ST6GALNAC3: variants seen among roughly 807,000 people sequenced by gnomAD.
ST6GALNAC3 encodes the protein ST6 N-acetylgalactosaminide alpha-2,6-sialyltransferase 3, also known as alpha-N-acetylgalactosaminide alpha-2,6-sialyltransferase 3.
ST6GALNAC3 carries 25 observed loss-of-function variants against 32.7 expected under a neutral mutation model. The observed-to-expected ratio is 0.76, with a 90% CI of 0.56 to 1.07. The LOEUF (loss-of-function observed/expected upper bound fraction) is 1.07. ST6GALNAC3 is among the 50% of genes least tolerant of loss of function. ST6GALNAC3 has a pLI of 0.00. For synonymous variants in ST6GALNAC3, 129 were observed against 133.1 expected (o/e 0.97, Z 0.21); for missense variants, 355 against 382.4 (o/e 0.93, Z 0.60).
chr1:76,358,209 G>A (rs565900239), intron 2 of ST6GALNAC3, among the ~76,000 whole-genome samples: 1 of 151,996 alleles, frequency 6.6e-6, no homozygotes, highest in South Asian at 2.1e-4. Flanking sequence ...CTGATTAATC[G>A]ATGCTTGTGG....
At chr1:76,195,872 T>C (rs17098319) in intron 1 of ST6GALNAC3, among the ~76,000 whole-genome samples, 12,766 of 152,062 alleles carry the variant, frequency 0.084, 589 homozygotes, top group African/African-American at 0.12. Flanking sequence ...AATTAGGGAA[T>C]TTGAAGGAGT....
At chr1:76,512,152 T>G (rs1002448) in intron 3 of ST6GALNAC3, among the ~76,000 whole-genome samples, 16,367 of 152,238 alleles carry the variant, frequency 0.11, 1,104 homozygotes, top group South Asian at 0.26. Context: ...TTGTTTTAAA[T>G]AGAAAAATGT....
At chr1:76,338,461 A>G (rs1238427088) in intron 2 of ST6GALNAC3, among the ~76,000 whole-genome samples, 1 of 152,162 alleles carries the variant, frequency 6.6e-6, no homozygotes, top group Non-Finnish European at 1.5e-5. Context: ...TGGACACTTG[A>G]TCCTCCAGAA....
At position 76,115,287 on chromosome 1, in the gene ST6GALNAC3, T is replaced by G. The variant is rs113276927; in HGVS notation, c.18+40403T>G. 4.2e-4 allele frequency among the ~76,000 whole-genome samples: 64 copies of G among 152,346 alleles called. 5 individuals are homozygous for G. The highest frequency in any genetic ancestry group is 1.4e-3 in the African/African-American group (57 of 41,574). ...TTTTCTGCATGTCAGTATATTTCAGTATGCCTCTAAGTAAACCAAGTAGCT... is the reference window on the plus strand; with the variant it reads ...TTTTCTGCATGTCAGTATATTTCAGGATGCCTCTAAGTAAACCAAGTAGCT... On this transcript the variant is annotated intron_variant, in intron 1 of 4. Coordinates refer to ENST00000328299, the MANE Select transcript of ST6GALNAC3 (RefSeq NM_152996.4).
chr1:76,482,582 C>G (rs1557470402), intron 3 of ST6GALNAC3, among the ~76,000 whole-genome samples: 1 of 152,108 alleles, frequency 6.6e-6, no homozygotes, highest in South Asian at 2.1e-4. Flanking sequence ...TTAATAAAAG[C>G]CCTCCAATGA....
chr1:76,329,929 C>A lies in ST6GALNAC3; in HGVS notation c.213+15930C>A, dbSNP rs542061124. On this transcript the variant is annotated intron_variant, in intron 2 of 4. Transcript: ENST00000328299. ...GTTCAGGTGATTCTCCTGCCTCAGCCTCCCAAGTAGCTGGGATTACAGGCA... is the reference window on the plus strand; with the variant it reads ...GTTCAGGTGATTCTCCTGCCTCAGCATCCCAAGTAGCTGGGATTACAGGCA... 1.6e-4 allele frequency among the ~76,000 whole-genome samples: 24 copies of A among 152,152 alleles called. No individual in the cohort carries two copies. In the South Asian group the frequency reaches 5.0e-3, roughly 32 times the overall value.
rs149352112 is a variant in ST6GALNAC3, at chr1:76,368,727, A to G, written c.214-43281A>G. On this transcript the variant is annotated intron_variant, in intron 2 of 4. Transcript: ENST00000328299. ...TTAGGATCATAATTCTAGCAGGTGA[A>G]ATTATTTATGGTCTTATAGTTTATG... Among the ~76,000 whole-genome samples, 401 of 152,298 alleles carry G rather than the reference A, an allele frequency of 2.6e-3. 2 individuals carry two copies. Among genetic ancestry groups the G allele is most frequent in the African/African-American group, 9.3e-3 (387 of 41,556 alleles).
At chr1:76,385,529 A>T (rs1312148390) in intron 2 of ST6GALNAC3, among the ~76,000 whole-genome samples, 1 of 152,138 alleles carries the variant, frequency 6.6e-6, no homozygotes, top group Non-Finnish European at 1.5e-5. Context: ...TATCTATGTC[A>T]GAGTGCTGTT....
chr1:76,194,279 T>C (rs1228257207), intron 1 of ST6GALNAC3, among the ~76,000 whole-genome samples: 1 of 152,152 alleles, frequency 6.6e-6, no homozygotes, highest in East Asian at 1.9e-4. Context: ...GAGTACGAGC[T>C]TAAAGGACTA....
chr1:76,328,439 T>C lies in ST6GALNAC3; in HGVS notation c.213+14440T>C, dbSNP rs372967083. ...TCTTACTCTGTGGTGCTGATAGGAATAACAGCCACAACACCACCATTTTTG... is the reference window on the plus strand; with the variant it reads ...TCTTACTCTGTGGTGCTGATAGGAACAACAGCCACAACACCACCATTTTTG... On this transcript the variant is annotated intron_variant, in intron 2 of 4. Coordinates refer to ENST00000328299, the MANE Select transcript of ST6GALNAC3 (RefSeq NM_152996.4). 2.8e-4 allele frequency among the ~76,000 whole-genome samples: 43 copies of C among 152,290 alleles called. 2 individuals are homozygous for C. The highest frequency in any genetic ancestry group is 1.0e-3 in the African/African-American group (43 of 41,568).
intron 1 of ST6GALNAC3, among the ~76,000 whole-genome samples, chr1:76,095,005 T>C (rs1207175128): frequency 6.6e-6 from 1 of 152,112 alleles, no homozygotes; most frequent in African/African-American, 2.4e-5. Context: ...ATGTGATTTC[T>C]GGTCACCTGT....
chr1:76,563,178 T>A (rs1257650297), intron 3 of ST6GALNAC3, among the ~76,000 whole-genome samples: 1 of 152,190 alleles, frequency 6.6e-6, no homozygotes. Flanking sequence ...TGTATCAGAA[T>A]GGGAAATCAA....
At chr1:76,372,552 C>A (rs1281342180) in intron 2 of ST6GALNAC3, among the ~76,000 whole-genome samples, 1 of 152,044 alleles carries the variant, frequency 6.6e-6, no homozygotes, top group Admixed American at 6.6e-5. Context: ...CCTATCTTTC[C>A]ATATACCCAG....
intron 3 of ST6GALNAC3, among the ~76,000 whole-genome samples, chr1:76,502,698 T>TG (rs966277299): frequency 1.3e-5 from 2 of 152,122 alleles, no homozygotes; most frequent in Non-Finnish European, 2.9e-5. Context: ...TTTCTGAAGT[T>TG]GGGGGGTAAG....
At chr1:76,500,446 G>C (rs1661112811) in intron 3 of ST6GALNAC3, among the ~76,000 whole-genome samples, 1 of 152,140 alleles carries the variant, frequency 6.6e-6, no homozygotes, top group Non-Finnish European at 1.5e-5. Context: ...GATTCATTCT[G>C]TAGGGCTGTA....
intron 1 of ST6GALNAC3, among the ~76,000 whole-genome samples, chr1:76,212,870 G>A (rs2100579085): frequency 6.6e-6 from 1 of 152,176 alleles, no homozygotes; most frequent in South Asian, 2.1e-4. Context: ...GGGCTAGACA[G>A]TATTTTTGGG....
At chr1:76,237,293 C>T (rs565206875) in intron 1 of ST6GALNAC3, among the ~76,000 whole-genome samples, 6 of 152,254 alleles carry the variant, frequency 3.9e-5, no homozygotes, top group African/African-American at 1.2e-4. Flanking sequence ...GCCACCACGC[C>T]GGGCTAATTT....
intron 1 of ST6GALNAC3, among the ~76,000 whole-genome samples, chr1:76,217,886 A>G (rs1042485021): frequency 6.6e-6 from 1 of 152,176 alleles, no homozygotes; most frequent in Non-Finnish European, 1.5e-5. Flanking sequence ...TATGGTATAT[A>G]TATACCACAT....
intron 1 of ST6GALNAC3, among the ~76,000 whole-genome samples, chr1:76,099,592 G>T (rs1486169238): frequency 6.6e-6 from 1 of 152,108 alleles, no homozygotes; most frequent in Non-Finnish European, 1.5e-5. Flanking sequence ...CGTAATACGT[G>T]ATTCTATCTA....
Sources: allele counts gnomAD v4.1 joint callset (sites outside exome capture counted in the v4.1 genomes callset), GRCh38; gene constraint gnomAD v4.1.1; transcripts MANE v1.5; gene names NCBI Gene and HGNC (gene_info 2026-07-23, HGNC 2026-07-21).